Variants in PRMT7 observed in about 807,000 individuals in gnomAD.
PRMT7 encodes protein arginine methyltransferase 7, also known as protein arginine N-methyltransferase 7.
A neutral mutation model predicts 85.4 loss-of-function variants in PRMT7; 75 were observed. The observed-to-expected ratio is 0.88, with a 90% CI of 0.73 to 1.06. The LOEUF (loss-of-function observed/expected upper bound fraction) is 1.06, where lower values mean the gene tolerates loss of function less well. PRMT7 is among the 50% of genes least tolerant of loss of function. The probability of loss-of-function intolerance (pLI) is 0.00; values close to 1 mark genes in which losing one functional copy is unlikely to be tolerated. For missense variants in PRMT7, 868 were observed against 915.2 expected (o/e 0.95, Z 0.67); for synonymous variants, 397 against 359.5 (o/e 1.10, Z -1.18).
chr16:68,316,415 T>C (rs1264862389), intron 3 of PRMT7, among the ~76,000 whole-genome samples: 1 of 152,146 alleles, frequency 6.6e-6, no homozygotes, highest in Non-Finnish European at 1.5e-5. Context: ...TTAAATTCTT[T>C]TGAATGAAAA....
chr16:68,347,016 A>G (rs967774168), intron 11 of PRMT7, among the ~76,000 whole-genome samples, 195 bp from the exon 12 acceptor site: 2 of 151,840 alleles, frequency 1.3e-5, no homozygotes, highest in Non-Finnish European at 1.5e-5. Flanking sequence ...CTTTCCTGAC[A>G]CTGGGGACAG....
At chr16:68,355,312 GC>G in intron 16 of PRMT7, 1 of 156,958 alleles carries the variant, frequency 6.4e-6, no homozygotes, top group African/African-American at 2.4e-5. Context: ...GGATGCAGGT[GC>G]CCCCAGCCTG....
chr16:68,344,572 C>A lies in PRMT7; in HGVS notation c.928-1103C>A, dbSNP rs1597396962. Reference sequence around the variant, plus strand: ...CCAGTTTTTGCTGGTATAAATAATTCTGTGATTTGCATTTTTATGTGAATA... The same window carrying A: ...CCAGTTTTTGCTGGTATAAATAATTATGTGATTTGCATTTTTATGTGAATA... On this transcript the variant is annotated intron_variant, in intron 9 of 18. Transcript: ENST00000441236. 3.9e-5 allele frequency among the ~76,000 whole-genome samples: 6 copies of A among 151,970 alleles called. No individual in the cohort carries two copies. The South Asian group carries it at 1.2e-3, about 32-fold the overall frequency.
chr16:68,330,706 T>A lies in PRMT7; in HGVS notation c.391+1532T>A, dbSNP rs555249669. Among the ~76,000 whole-genome samples, 27 of 152,244 alleles carry A rather than the reference T, an allele frequency of 1.8e-4. 2 individuals carry two copies. The South Asian group carries it at 4.4e-3, about 25-fold the overall frequency. On this transcript the variant is annotated intron_variant, in intron 6 of 18. Transcript: ENST00000441236. ...GCCTCCCATGTTCAAGCGATTCTCC[T>A]GCTTCAGCCTCATGAGTAGCTGGGA...
intron 11 of PRMT7, among the ~76,000 whole-genome samples, chr16:68,346,576 A>AT (rs1372397862): frequency 1.8e-5 from 1 of 54,326 alleles, no homozygotes; most frequent in African/African-American, 2.3e-4. Context: ...GGATTAGGCC[A>AT]CCCCCTCTTT....
At chr16:68,338,157 T>C (rs1241864190) in intron 7 of PRMT7, among the ~76,000 whole-genome samples, 1 of 151,710 alleles carries the variant, frequency 6.6e-6, no homozygotes, top group Non-Finnish European at 1.5e-5. Context: ...TGGAGGGCAG[T>C]TGGGGTATAG....
In PRMT7 at chr16:68,358,231, C is replaced by G. The variant is rs2088930979; in HGVS notation, c.*1007C>G. On this transcript the variant is annotated 3_prime_UTR_variant, in exon 19 of 19. Coordinates refer to ENST00000441236, the MANE Select transcript of PRMT7 (RefSeq NM_019023.5). ...CAGGGCAGACTTGGGCAGTGCCTGTCCTGCAGTTGGGGGCAGGAACTCCCT... is the reference window on the plus strand; with the variant it reads ...CAGGGCAGACTTGGGCAGTGCCTGTGCTGCAGTTGGGGGCAGGAACTCCCT... 6.6e-6 allele frequency: 1 copy of G among 152,540 alleles called. No homozygotes were observed. The highest frequency in any genetic ancestry group is 1.5e-5 in the Non-Finnish European group (1 of 68,060). The allele number at this position is 152,540 out of a possible 1,614,324, so 9.4% of individuals were successfully genotyped here.
intron 5 of PRMT7, among the ~76,000 whole-genome samples, chr16:68,327,601 C>A (rs185163531): frequency 1.6e-3 from 240 of 152,222 alleles, no homozygotes; most frequent in African/African-American, 5.3e-3. Flanking sequence ...TTCCCCTTAT[C>A]TATGGTTTCA....
At position 68,347,201 on chromosome 16, in the gene PRMT7, T is replaced by G; in HGVS notation, c.1192-10T>G. On this transcript the variant is annotated splice_polypyrimidine_tract_variant and intron_variant, in intron 11 of 18. Transcript: ENST00000441236. ...GGAAGCCCTGTGCTGAGCTTGCCTGTTCCCCGCAGGTGCTGAAGCCAGACA... is the reference window on the plus strand; with the variant it reads ...GGAAGCCCTGTGCTGAGCTTGCCTGGTCCCCGCAGGTGCTGAAGCCAGACA... The G allele has an allele frequency of 6.4e-7, 1 of 1,551,430 alleles. No homozygotes were observed. The highest frequency in any genetic ancestry group is 8.7e-7 in the Non-Finnish European group (1 of 1,146,730).
chr16:68,344,644 T>TG (rs1567712009), intron 9 of PRMT7, among the ~76,000 whole-genome samples: 1 of 152,154 alleles, frequency 6.6e-6, no homozygotes, highest in Admixed American at 6.5e-5. Context: ...GAAACCTGTA[T>TG]GTGGGGTTTG....
At chr16:68,346,750 C>T (rs930764465) in intron 11 of PRMT7, among the ~76,000 whole-genome samples, 1 of 151,800 alleles carries the variant, frequency 6.6e-6, no homozygotes, top group African/African-American at 2.4e-5. Flanking sequence ...GGGGTGTGTA[C>T]AGAAATAGGT....
chr16:68,323,817 A>G (rs1029235728), intron 4 of PRMT7: 7 of 152,190 alleles, frequency 4.6e-5, no homozygotes, highest in Non-Finnish European at 1.0e-4. Context: ...AGATTTGCAC[A>G]TATTTTTTCC....
chr16:68,314,440 A>C (rs1484887443), intron 2 of PRMT7, among the ~76,000 whole-genome samples: 4 of 152,136 alleles, frequency 2.6e-5, no homozygotes. Context: ...CCATGTTGGC[A>C]AGGCTGGTCT....
chr16:68,355,602 A>G (rs1018831498), intron 16 of PRMT7, 121 bp from the exon 17 acceptor site: 2 of 1,082,396 alleles, frequency 1.8e-6, no homozygotes, highest in Non-Finnish European at 2.4e-6. Context: ...GGCGCTCGGC[A>G]TCTTTATGGG....
chr16:68,327,376 A>T (rs2083254535), intron 5 of PRMT7, among the ~76,000 whole-genome samples: 1 of 152,076 alleles, frequency 6.6e-6, no homozygotes, highest in Non-Finnish European at 1.5e-5. Flanking sequence ...AAAGAGTTGG[A>T]GGTGCTTATT....
intron 3 of PRMT7, among the ~76,000 whole-genome samples, chr16:68,318,081 A>G (rs1251048224): frequency 1.3e-5 from 2 of 152,162 alleles, no homozygotes; most frequent in Non-Finnish European, 2.9e-5. Context: ...ATAAAATAAT[A>G]TATACTTCAA....
intron 11 of PRMT7, 105 bp downstream of exon 11, chr16:68,346,385 T>C: frequency 6.5e-7 from 1 of 1,533,212 alleles, no homozygotes; most frequent in South Asian, 1.2e-5. Context: ...TCCTGTGTCC[T>C]CTTGTCTATG....
intron 9 of PRMT7, among the ~76,000 whole-genome samples, chr16:68,341,893 C>G (rs913944722): frequency 6.6e-6 from 1 of 152,186 alleles, no homozygotes; most frequent in Non-Finnish European, 1.5e-5. Context: ...AATGGCTTCA[C>G]CTTAGCAGAA....
intron 7 of PRMT7, among the ~76,000 whole-genome samples, chr16:68,338,509 C>T (rs540875052): frequency 6.6e-6 from 1 of 152,168 alleles, no homozygotes; most frequent in East Asian, 1.9e-4. Flanking sequence ...GTTGAGGTCA[C>T]TGTGGAGAGT....
Sources: allele counts gnomAD v4.1 joint callset (sites outside exome capture counted in the v4.1 genomes callset), GRCh38; gene constraint gnomAD v4.1.1; transcripts MANE v1.5; gene names NCBI Gene and HGNC (gene_info 2026-07-23, HGNC 2026-07-21).